EPHB2: variants seen among roughly 807,000 people sequenced by gnomAD.
EPHB2 encodes the protein EPH receptor B2, also known as ephrin type-B receptor 2.
A neutral mutation model predicts 96.4 loss-of-function variants in EPHB2; 18 were observed. That is an observed-to-expected ratio of 0.19 (90% CI 0.13 to 0.28). The LOEUF (loss-of-function observed/expected upper bound fraction) is 0.28. Ranked by LOEUF, EPHB2 falls within the 10% of genes least tolerant of loss-of-function variation. The probability of loss-of-function intolerance (pLI) is 1.00; values close to 1 mark genes in which losing one functional copy is unlikely to be tolerated. For synonymous variants in EPHB2, 506 were observed against 534.1 expected (o/e 0.95, Z 0.72); for missense variants, 989 against 1,355.4 (o/e 0.73, Z 4.25).
intron 3 of EPHB2, among the ~76,000 whole-genome samples, chr1:22,797,630 GC>G (rs1378304391): frequency 6.6e-6 from 1 of 152,010 alleles, no homozygotes; most frequent in Non-Finnish European, 1.5e-5. Flanking sequence ...CTGTCTCCTG[GC>G]CGCCTCCACC....
intron 1 of EPHB2, among the ~76,000 whole-genome samples, chr1:22,754,831 G>GGA (rs1644119133): frequency 7.6e-6 from 1 of 130,916 alleles, no homozygotes; most frequent in Non-Finnish European, 1.7e-5. Context: ...GAGGTGAGGG[G>GGA]CAGGGGAGGG....
chr1:22,742,337 T>C lies in EPHB2; in HGVS notation c.61+31294T>C, dbSNP rs1023429295. 3.3e-5 allele frequency among the ~76,000 whole-genome samples: 5 copies of C among 152,026 alleles called. No individual in the cohort carries two copies. In the South Asian group the frequency reaches 1.0e-3, roughly 32 times the overall value. ...GTGGGCTGGGAACAGTTAGGAATAA[T>C]GGAGGAAAGTTGGTAGAAAGGGTGG... On this transcript the variant is annotated intron_variant, in intron 1 of 15. Transcript: ENST00000374630.
At chr1:22,719,667 A>G (rs1643388549) in intron 1 of EPHB2, 1 of 152,204 alleles carries the variant, frequency 6.6e-6, no homozygotes, top group South Asian at 2.1e-4. Context: ...CCTGGAGTCA[A>G]TTGCATGGCT....
intron 7 of EPHB2, among the ~76,000 whole-genome samples, chr1:22,894,157 G>C (rs1203779033): frequency 6.6e-6 from 1 of 152,092 alleles, no homozygotes; most frequent in African/African-American, 2.4e-5. Context: ...TCATTGACTG[G>C]GAACTAGGAG....
At chr1:22,718,631 A>G (rs867126606) in intron 1 of EPHB2, among the ~76,000 whole-genome samples, 3 of 151,796 alleles carry the variant, frequency 2.0e-5, no homozygotes, top group South Asian at 2.1e-4. Context: ...CAGGCGATCC[A>G]CCTGCCTCGG....
intron 3 of EPHB2, among the ~76,000 whole-genome samples, chr1:22,839,678 T>G (rs1645437631): frequency 6.6e-6 from 1 of 152,174 alleles, no homozygotes. Flanking sequence ...GGGTCCTGGA[T>G]AGGGTCCAGA....
chr1:22,882,844 A>G, intron 6 of EPHB2: 1 of 333,912 alleles, frequency 3.0e-6, no homozygotes, highest in Non-Finnish European at 5.9e-6. Context: ...ATGAAGTGAT[A>G]ATTAGTCACT....
intron 1 of EPHB2, among the ~76,000 whole-genome samples, chr1:22,777,362 ATTG>A (rs1357479301): frequency 6.6e-6 from 1 of 152,114 alleles, no homozygotes; most frequent in African/African-American, 2.4e-5. Context: ...ACCTCTTGGC[ATTG>A]TTGTGAGAAT....
chr1:22,847,686 C>A (rs535296631), intron 3 of EPHB2, among the ~76,000 whole-genome samples: 1 of 152,266 alleles, frequency 6.6e-6, no homozygotes, highest in East Asian at 1.9e-4. Context: ...TCTCCCCTGG[C>A]TTCCCTGCTC....
chr1:22,736,287 TG>T (rs1643825593), intron 1 of EPHB2, among the ~76,000 whole-genome samples: 1 of 152,070 alleles, frequency 6.6e-6, no homozygotes, highest in Admixed American at 6.5e-5. Flanking sequence ...AAGGCTGGTA[TG>T]GGGGAACGTT....
chr1:22,834,156 A>G (rs1645346546), intron 3 of EPHB2, among the ~76,000 whole-genome samples: 1 of 152,200 alleles, frequency 6.6e-6, no homozygotes, highest in South Asian at 2.1e-4. Context: ...GTAGACACAA[A>G]TTATTAGACT....
intron 1 of EPHB2, among the ~76,000 whole-genome samples, chr1:22,732,884 A>G (rs866773989): frequency 1.3e-5 from 2 of 152,342 alleles, no homozygotes; most frequent in Middle Eastern, 3.4e-3. Context: ...ACAAAAAATC[A>G]GCTAGTGTCT....
At chr1:22,912,660 C>G in intron 15 of EPHB2, 61 bp downstream of exon 15, 1 of 1,603,474 alleles carries the variant, frequency 6.2e-7, no homozygotes. Flanking sequence ...GCCCCACCAG[C>G]CAAGTGGGGT....
At chr1:22,907,824 G>A in intron 11 of EPHB2, 129 bp from the exon 12 acceptor site, 2 of 1,153,072 alleles carry the variant, frequency 1.7e-6, no homozygotes, top group Non-Finnish European at 1.3e-6. Context: ...CAAAGCATCT[G>A]AGTCCTTCCC....
At chr1:22,754,847 G>A (rs1570217211) in intron 1 of EPHB2, among the ~76,000 whole-genome samples, 1 of 96,632 alleles carries the variant, frequency 1.0e-5, no homozygotes, top group Non-Finnish European at 2.3e-5. Context: ...GAGGGGAGGT[G>A]AGGGACAGGT....
Position 22,917,441 on chromosome 1 carries a change from A to T in EPHB2, c.*3871A>T, listed in dbSNP as rs1284245067. 1.3e-5 allele frequency: 2 copies of T among 152,242 alleles called. No individual in the cohort carries two copies. The highest frequency in any genetic ancestry group is 2.9e-5 in the Non-Finnish European group (2 of 68,062). 9.4% of individuals were successfully genotyped at this position (152,242 alleles called of 1,614,324 possible). On this transcript the variant is annotated 3_prime_UTR_variant, in exon 16 of 16. Transcript: ENST00000374630. Reference sequence around the variant, plus strand: ...ACTCTTGCTAGGGAAGATAACGTAAATGCATTCAAAAGACAGGGTACCACA... The same window carrying T: ...ACTCTTGCTAGGGAAGATAACGTAATTGCATTCAAAAGACAGGGTACCACA...
intron 3 of EPHB2, among the ~76,000 whole-genome samples, chr1:22,805,308 A>G (rs776445100): frequency 6.6e-6 from 1 of 152,066 alleles, no homozygotes; most frequent in Non-Finnish European, 1.5e-5. Flanking sequence ...AGCCGTACGC[A>G]GTCTCTCTCA....
chr1:22,772,482 G>A (rs1644394071), intron 1 of EPHB2, among the ~76,000 whole-genome samples: 1 of 152,216 alleles, frequency 6.6e-6, no homozygotes, highest in African/African-American at 2.4e-5. Context: ...GGGCTGAGCA[G>A]GGGGCCGAGG....
chr1:22,795,482 T>C (rs1477248912), intron 3 of EPHB2, among the ~76,000 whole-genome samples: 1 of 152,084 alleles, frequency 6.6e-6, no homozygotes, highest in Admixed American at 6.6e-5. Flanking sequence ...TTTTGTTTTG[T>C]TTTGTTTTGT....
Sources: allele counts gnomAD v4.1 joint callset (sites outside exome capture counted in the v4.1 genomes callset), GRCh38; gene constraint gnomAD v4.1.1; transcripts MANE v1.5; gene names NCBI Gene and HGNC (gene_info 2026-07-23, HGNC 2026-07-21).